The following THADA variants were observed in gnomAD, a reference collection of about 807,000 sequenced individuals.
The protein encoded by THADA is THADA armadillo repeat containing.
Under a neutral mutation model 219.8 loss-of-function variants are expected in THADA, and 213 were observed. The observed-to-expected ratio is 0.97, with a 90% CI of 0.87 to 1.09. The LOEUF (loss-of-function observed/expected upper bound fraction) is 1.09, where lower values mean the gene tolerates loss of function less well. Ranked by LOEUF, THADA falls within the 50% of genes least tolerant of loss-of-function variation. The pLI is 0.00. For synonymous variants in THADA, 1,018 were observed against 828.9 expected, an observed-to-expected ratio of 1.23 and a Z score of -3.92; for missense variants, 2,956 against 2,311.3, an observed-to-expected ratio of 1.28 and a Z score of -5.72.
intron 26 of THADA, among the ~76,000 whole-genome samples, chr2:43,483,178 G>C (rs1003690387): frequency 2.0e-5 from 3 of 152,158 alleles, no homozygotes; most frequent in African/African-American, 7.2e-5. Context: ...CACCGGCTGA[G>C]GTTAGTTATC....
chr2:43,518,312 A>G (rs1240072937), intron 22 of THADA, among the ~76,000 whole-genome samples: 1 of 152,220 alleles, frequency 6.6e-6, no homozygotes, highest in Non-Finnish European at 1.5e-5. Context: ...ACAAACAAAA[A>G]TGTTTTCCAA....
At chr2:43,331,599 T>C (rs966751553) in intron 30 of THADA, among the ~76,000 whole-genome samples, 12 of 152,146 alleles carry the variant, frequency 7.9e-5, no homozygotes, top group Non-Finnish European at 1.5e-4. Flanking sequence ...GCACAGCAGC[T>C]TTCCCTCAGC....
intron 28 of THADA, among the ~76,000 whole-genome samples, chr2:43,401,207 T>C (rs1296368817): frequency 6.6e-6 from 1 of 152,186 alleles, no homozygotes; most frequent in Non-Finnish European, 1.5e-5. Flanking sequence ...CAATAAACCC[T>C]TTCCATGTTC....
At chr2:43,495,861 T>A (rs1688212447) in intron 25 of THADA, among the ~76,000 whole-genome samples, 1 of 152,216 alleles carries the variant, frequency 6.6e-6, no homozygotes, top group Non-Finnish European at 1.5e-5. Context: ...ATAAAGGCAT[T>A]GCTCTACTTC....
chr2:43,446,693 T>C (rs1221030741), intron 26 of THADA, among the ~76,000 whole-genome samples: 1 of 152,220 alleles, frequency 6.6e-6, no homozygotes, highest in Non-Finnish European at 1.5e-5. Context: ...TTGTTTGTCA[T>C]GCAGCAATAC....
intron 26 of THADA, among the ~76,000 whole-genome samples, chr2:43,479,971 T>C (rs548625931): frequency 9.8e-5 from 15 of 152,368 alleles, no homozygotes; most frequent in South Asian, 4.1e-4. Context: ...TTTGAGATTA[T>C]TGGTCAACAT....
intron 19 of THADA, among the ~76,000 whole-genome samples, chr2:43,550,105 C>T (rs1362887050): frequency 1.3e-5 from 2 of 152,082 alleles, no homozygotes; most frequent in African/African-American, 2.4e-5. Flanking sequence ...TACTGAGTGA[C>T]GAGTGCCTAT....
intron 8 of THADA, among the ~76,000 whole-genome samples, chr2:43,581,240 G>A (rs1700405317): frequency 6.6e-6 from 1 of 151,952 alleles, no homozygotes; most frequent in Non-Finnish European, 1.5e-5. Flanking sequence ...ATAGAACTCA[G>A]TCACCCAGGC....
chr2:43,320,605 G>A, intron 30 of THADA, 65 bp from the exon 31 acceptor site: 1 of 1,152,360 alleles, frequency 8.7e-7, no homozygotes. Flanking sequence ...GTCTCAGGAA[G>A]GAGAACATGG....
intron 30 of THADA, among the ~76,000 whole-genome samples, chr2:43,332,180 G>C (rs1367368500): frequency 6.6e-6 from 1 of 152,160 alleles, no homozygotes; most frequent in Non-Finnish European, 1.5e-5. Flanking sequence ...CCAACTCCCA[G>C]GTTCAAACAA....
chr2:43,367,642 G>A lies in THADA; in HGVS notation c.4228-23405C>T, dbSNP rs75887140. ...GAAATACCAAGGTCTGTCATTAGAG[G>A]CAAGGTACAAGATTGTAGTAACTGT... On this transcript the variant is annotated intron_variant, in intron 29 of 37. Coordinates refer to ENST00000405975, the MANE Select transcript of THADA (RefSeq NM_022065.5). 7.9e-5 allele frequency among the ~76,000 whole-genome samples: 12 copies of A among 152,278 alleles called. No homozygotes were observed. The East Asian group carries it at 2.3e-3, about 29-fold the overall frequency.
At chr2:43,286,877 G>C (rs371617342) in intron 35 of THADA, 31 bp downstream of exon 35, 104 of 1,596,002 alleles carry the variant, frequency 6.5e-5, no homozygotes, top group Middle Eastern at 1.7e-4. Context: ...AGTGAGTTTG[G>C]TACAACAGAC....
intron 36 of THADA, among the ~76,000 whole-genome samples, chr2:43,267,856 C>A (rs151091706): frequency 1.3e-5 from 2 of 152,342 alleles, no homozygotes; most frequent in Non-Finnish European, 2.9e-5. Context: ...CTTACAGATG[C>A]CAAATCTATA....
At chr2:43,284,087 G>A (rs980475225) in intron 35 of THADA, among the ~76,000 whole-genome samples, 2 of 152,210 alleles carry the variant, frequency 1.3e-5, no homozygotes, top group African/African-American at 4.8e-5. Context: ...GCTGAGGCAG[G>A]AGAATCGCTC....
chr2:43,310,234 C>T (rs533866799), intron 31 of THADA, among the ~76,000 whole-genome samples: 7 of 129,292 alleles, frequency 5.4e-5, no homozygotes, highest in South Asian at 3.0e-4. Context: ...CCGCCCCCCC[C>T]CCAAACAAGC....
intron 30 of THADA, among the ~76,000 whole-genome samples, chr2:43,323,109 A>G (rs956032984): frequency 1.3e-5 from 2 of 152,124 alleles, no homozygotes; most frequent in African/African-American, 2.4e-5. Context: ...TATTAAGAAC[A>G]TAGAGATTTG....
chr2:43,564,566 A>C (rs1469621318), intron 15 of THADA: 2 of 152,268 alleles, frequency 1.3e-5, no homozygotes, highest in Non-Finnish European at 2.9e-5. Flanking sequence ...TCAAGATCCT[A>C]AACTTAAGAA....
intron 26 of THADA, among the ~76,000 whole-genome samples, chr2:43,433,560 T>C (rs1679666341): frequency 6.6e-6 from 1 of 151,964 alleles, no homozygotes; most frequent in South Asian, 2.1e-4. Flanking sequence ...AAAAAGGAGA[T>C]GTGCTGTGCT....
At chr2:43,274,993 C>CTTTTTTTTTTTTTTTT (rs202126240) in intron 36 of THADA, among the ~76,000 whole-genome samples, 1 of 121,626 alleles carries the variant, frequency 8.2e-6, no homozygotes, top group African/African-American at 3.1e-5. Flanking sequence ...CTTTTCTTTT[C>CTTTTTTTTTTTTTTTT]TTTTCTTTTT....
Sources: allele counts gnomAD v4.1 joint callset (sites outside exome capture counted in the v4.1 genomes callset), GRCh38; gene constraint gnomAD v4.1.1; transcripts MANE v1.5; gene names NCBI Gene and HGNC (gene_info 2026-07-23, HGNC 2026-07-21).